The following TCEA3 variants were observed in gnomAD, a reference collection of about 807,000 sequenced individuals.
The protein encoded by TCEA3 is transcription elongation factor A3, also known as transcription elongation factor A protein 3.
A neutral mutation model predicts 44.0 loss-of-function variants in TCEA3; 36 were observed. That is an observed-to-expected ratio of 0.82 (90% CI 0.63 to 1.08). TCEA3 has a LOEUF of 1.08. Among genes scored for constraint, TCEA3 ranks in the 50% least tolerant of loss-of-function variants. The pLI is 0.00. For missense variants in TCEA3, 392 were observed against 441.2 expected (o/e 0.89, Z 1.00); for synonymous variants, 162 against 159.7 (o/e 1.01, Z -0.11).
At chr1:23,418,102 C>CATCATTGGCAGA in intron 2 of TCEA3, 93 bp from the exon 3 acceptor site, 1 of 1,268,934 alleles carries the variant, frequency 7.9e-7, no homozygotes, top group Non-Finnish European at 1.1e-6. Context: ...CTACCACCAC[C>CATCATTGGCAGA]TCCCCTTCCA....
intron 9 of TCEA3, among the ~76,000 whole-genome samples, chr1:23,385,946 C>T (rs1638822672): frequency 6.6e-6 from 1 of 152,202 alleles, no homozygotes; most frequent in Non-Finnish European, 1.5e-5. Flanking sequence ...CTGTGTGGGC[C>T]TCAGTTTCCC....
chr1:23,414,831 T>A (rs1639839291), intron 4 of TCEA3, among the ~76,000 whole-genome samples: 1 of 152,136 alleles, frequency 6.6e-6, no homozygotes, highest in African/African-American at 2.4e-5. Context: ...ATAAAACATT[T>A]TATTTTTAAG....
chr1:23,386,921 C>CT (rs1638858385), intron 9 of TCEA3, among the ~76,000 whole-genome samples: 1 of 152,126 alleles, frequency 6.6e-6, no homozygotes, highest in Admixed American at 6.5e-5. Context: ...GGGGTTTCAC[C>CT]GTGTTTGCCA....
Position 23,403,305 on chromosome 1 carries a change from A to T in TCEA3, c.444-5350T>A, listed in dbSNP as rs1455619738. ...CAAACTCCCAGGTTCACAGCCTGAG[A>T]CCAACACTTTGTAGCTATGTGACCT... On this transcript the variant is annotated intron_variant, in intron 5 of 10. Transcript: ENST00000450454. Among the ~76,000 whole-genome samples, 22 of 152,226 alleles carry T rather than the reference A, an allele frequency of 1.4e-4. 1 individual carries two copies. Among genetic ancestry groups the T allele is most frequent in the Admixed American group, 1.4e-3 (22 of 15,282 alleles).
At position 23,409,170 on chromosome 1, in the gene TCEA3, G is replaced by A. The variant is rs557678992; in HGVS notation, c.381-444C>T. 6.6e-5 allele frequency among the ~76,000 whole-genome samples: 10 copies of A among 152,182 alleles called. No individual in the cohort carries two copies. The South Asian group carries it at 2.1e-3, about 32-fold the overall frequency. ...CGGCAGGCACTTTAGGAGGAGGAGA[G>A]GAGAAACACATGGGCCTTGGGGATA... On this transcript the variant is annotated intron_variant, in intron 4 of 10. Transcript: ENST00000450454.
At chr1:23,397,399 G>A (rs774927755) in intron 7 of TCEA3, 146 bp downstream of exon 7, 4 of 675,420 alleles carry the variant, frequency 5.9e-6, no homozygotes, top group Non-Finnish European at 1.0e-5. Flanking sequence ...ATGTTAGATA[G>A]AATTAAGAAC....
At position 23,424,737 on chromosome 1, in the gene TCEA3, A is replaced by C. The variant is rs899843363; in HGVS notation, c.-104T>G. 3 of 805,492 alleles carry C rather than the reference A, an allele frequency of 3.7e-6. 1 individual carries two copies. The highest frequency in any genetic ancestry group is 4.7e-5 in the Admixed American group (2 of 42,670). 49.9% of individuals were successfully genotyped at this position (805,492 alleles called of 1,614,324 possible). On this transcript the variant is annotated 5_prime_UTR_variant, in exon 1 of 11. Transcript: ENST00000450454. ...GGGCGCGCAACCCGCGCGGGCCCCA[A>C]ACACACACGACACACACGCCCGGCG...
intron 4 of TCEA3, among the ~76,000 whole-genome samples, chr1:23,416,929 G>C (rs1238316488): frequency 6.6e-6 from 1 of 152,202 alleles, no homozygotes; most frequent in African/African-American, 2.4e-5. Flanking sequence ...GCCTGGGTGG[G>C]CCAGAGAAGA....
At chr1:23,384,018 A>G in intron 10 of TCEA3, 1 of 1,176,466 alleles carries the variant, frequency 8.5e-7, no homozygotes, top group Non-Finnish European at 1.1e-6. Context: ...GCGTGGTCCA[A>G]GTGCAGAATG....
In TCEA3 at chr1:23,397,830, T is replaced by C. The variant is rs566930637; in HGVS notation, c.569A>G (p.Lys190Arg). Residue 190 changes from lysine to arginine, a missense_variant, in exon 6 of 11, where the codon AAG becomes AGG. Coordinates refer to ENST00000450454, the MANE Select transcript of TCEA3 (RefSeq NM_003196.3). ...CYLTGDSVRD[K>R]CVEMLSAALK... is the part of the protein sequence containing the mutation. ...GGCTGCTGACAGCATCTCCACACAC[T>C]TGTCCCGGACAGAGTCCCCTGTGAG... 1.2e-6 allele frequency: 2 copies of C among 1,613,920 alleles called. No individual in the cohort carries two copies. Among genetic ancestry groups the C allele is most frequent in the South Asian group, 1.1e-5 (1 of 91,082 alleles).
chr1:23,396,198 C>T (rs565338052), intron 7 of TCEA3, among the ~76,000 whole-genome samples: 64 of 152,224 alleles, frequency 4.2e-4, no homozygotes, highest in African/African-American at 1.4e-3. Flanking sequence ...TGCAGATTGG[C>T]CCCTGGCTCT....
chr1:23,390,240 G>A (rs762553242), intron 8 of TCEA3, among the ~76,000 whole-genome samples: 33 of 152,106 alleles, frequency 2.2e-4, no homozygotes, highest in Admixed American at 2.0e-3. Flanking sequence ...AAGCCGAGGC[G>A]GGCAGATCAC....
rs569304919 is a variant in TCEA3 at position 23,424,662 on chromosome 1, G to A, written c.-29C>T. 1.9e-6 allele frequency: 3 copies of A among 1,583,362 alleles called. No homozygotes were observed. The South Asian group carries it at 3.3e-5, about 18-fold the overall frequency. On this transcript the variant is annotated 5_prime_UTR_variant, in exon 1 of 11. Transcript: ENST00000450454. Reference sequence around the variant, plus strand: ...GGCCCGCGACGCCCGGCGGGGCGAGGGGCACAGGGGCAGCAGTAGGGCCTC... The same window carrying A: ...GGCCCGCGACGCCCGGCGGGGCGAGAGGCACAGGGGCAGCAGTAGGGCCTC...
chr1:23,401,597 T>C (rs1396551144), intron 5 of TCEA3, among the ~76,000 whole-genome samples: 1 of 152,182 alleles, frequency 6.6e-6, no homozygotes, highest in Non-Finnish European at 1.5e-5. Flanking sequence ...AGCCTGATCC[T>C]GGTCACAGGG....
chr1:23,404,217 C>T, intron 5 of TCEA3: 1 of 701,904 alleles, frequency 1.4e-6, no homozygotes, highest in East Asian at 2.7e-5. Context: ...GAACAGTCAA[C>T]TTTCTCCCCT....
At chr1:23,390,842 G>A (rs1047284672) in intron 8 of TCEA3, among the ~76,000 whole-genome samples, 15 of 152,166 alleles carry the variant, frequency 9.9e-5, no homozygotes, top group African/African-American at 3.1e-4. Flanking sequence ...TGTTGTCAGT[G>A]CTGGGTGGAC....
intron 4 of TCEA3, among the ~76,000 whole-genome samples, chr1:23,412,389 G>A (rs1187553946): frequency 1.4e-4 from 17 of 122,468 alleles, no homozygotes; most frequent in East Asian, 4.9e-4. Context: ...AACATGGTGA[G>A]ACTCTGTCTC....
chr1:23,418,278 G>A (rs981416844), intron 2 of TCEA3: 1 of 438,252 alleles, frequency 2.3e-6, no homozygotes, highest in Non-Finnish European at 4.2e-6. Flanking sequence ...GGTGGCACTT[G>A]GCTGACTGTC....
intron 5 of TCEA3, among the ~76,000 whole-genome samples, chr1:23,407,700 T>C (rs1393450853): frequency 1.3e-5 from 2 of 152,174 alleles, no homozygotes; most frequent in East Asian, 1.9e-4. Flanking sequence ...TTCTGAACTT[T>C]ACCTGTCTCC....
Sources: allele counts gnomAD v4.1 joint callset (sites outside exome capture counted in the v4.1 genomes callset), GRCh38; gene constraint gnomAD v4.1.1; transcripts MANE v1.5; gene names NCBI Gene and HGNC (gene_info 2026-07-23, HGNC 2026-07-21).